The following SPPL2A variants were observed in gnomAD, a reference collection of about 807,000 sequenced individuals.
SPPL2A encodes signal peptide peptidase like 2A, also known as signal peptide peptidase-like 2A.
In SPPL2A, 51 loss-of-function variants were observed where a neutral mutation model predicts 63.8. The ratio of observed to expected loss-of-function variants is 0.80; its 90% confidence interval spans 0.64 to 1.01. SPPL2A has a LOEUF of 1.01. SPPL2A is among the 50% of genes least tolerant of loss of function. The pLI, the probability that SPPL2A is intolerant of heterozygous loss-of-function variation, is 0.00. For missense variants in SPPL2A, 553 were observed against 622.7 expected (o/e 0.89, Z 1.19); for synonymous variants, 188 against 205.8 (o/e 0.91, Z 0.74).
At chr15:50,722,461 A>G (rs1208595373) in intron 12 of SPPL2A, among the ~76,000 whole-genome samples, 1 of 151,686 alleles carries the variant, frequency 6.6e-6, no homozygotes, top group Non-Finnish European at 1.5e-5. Flanking sequence ...CATGAAGAAA[A>G]CTTTTTTTTT....
At position 50,740,097 on chromosome 15, in the gene SPPL2A, C is replaced by T. The variant is rs1596389466; in HGVS notation, c.585-269G>A. Among the ~76,000 whole-genome samples, 4 of 152,244 alleles carry T rather than the reference C, an allele frequency of 2.6e-5. No homozygotes were observed. The South Asian group carries it at 8.3e-4, about 32-fold the overall frequency. ...GAGATGATCTGTTTTCAACCACTAA[C>T]TTTTGAAACATTTTTTTCTGCAGGC... On this transcript the variant is annotated intron_variant, in intron 5 of 14. Transcript: ENST00000261854.
chr15:50,729,418 T>C (rs539804763), intron 10 of SPPL2A, among the ~76,000 whole-genome samples: 109 of 152,324 alleles, frequency 7.2e-4, no homozygotes, highest in African/African-American at 2.3e-3. Flanking sequence ...AGCTGACCCA[T>C]ATGCCAGCTT....
rs1250290184 is a variant in SPPL2A, at chr15:50,703,245, G to A, written c.*4555C>T. Reference sequence around the variant, plus strand: ...CCATTCAATTGTAGACTGAAGTACAGTTTTTGTTTTTGAAATTTCATTGGT... The same window carrying A: ...CCATTCAATTGTAGACTGAAGTACAATTTTTGTTTTTGAAATTTCATTGGT... On this transcript the variant is annotated 3_prime_UTR_variant, in exon 15 of 15. Transcript: ENST00000261854. 7.0e-6 allele frequency: 1 copy of A among 142,406 alleles called. No individual in the cohort carries two copies. Among genetic ancestry groups the A allele is most frequent in the African/African-American group, 2.6e-5 (1 of 38,202 alleles). 8.8% of individuals were successfully genotyped at this position (142,406 alleles called of 1,614,324 possible).
intron 13 of SPPL2A, among the ~76,000 whole-genome samples, chr15:50,721,860 C>A (rs532744037): frequency 3.3e-5 from 5 of 152,254 alleles, no homozygotes; most frequent in Admixed American, 2.6e-4. Context: ...CCTGCCTCGG[C>A]CTCCCAAAGT....
chr15:50,739,869 TAC>T, intron 5 of SPPL2A, 41 bp from the exon 6 acceptor site: 1 of 1,459,478 alleles, frequency 6.9e-7, no homozygotes, highest in Non-Finnish European at 9.1e-7. Flanking sequence ...CTTAGCCAAG[TAC>T]AGTTATTTAA....
At chr15:50,759,761 A>G (rs1488738519) in intron 1 of SPPL2A, among the ~76,000 whole-genome samples, 1 of 151,934 alleles carries the variant, frequency 6.6e-6, no homozygotes, top group Non-Finnish European at 1.5e-5. Flanking sequence ...AAAAAGAAAG[A>G]AAAGAAAAAT....
intron 1 of SPPL2A, among the ~76,000 whole-genome samples, chr15:50,755,184 G>A (rs535221587): frequency 1.3e-4 from 20 of 151,838 alleles, no homozygotes; most frequent in Admixed American, 1.2e-3. Context: ...CAAGCGTGGT[G>A]GCACGTGCCT....
intron 6 of SPPL2A, among the ~76,000 whole-genome samples, chr15:50,738,305 T>C (rs549951838): frequency 6.6e-6 from 1 of 151,554 alleles, no homozygotes; most frequent in South Asian, 2.1e-4. Flanking sequence ...TCCTAGCACT[T>C]TGGGAGGCCA....
rs757184932 is a variant in SPPL2A at position 50,736,914 on chromosome 15, G to GT, written c.734-175dup. Among the ~76,000 whole-genome samples, 369 of 149,794 alleles carry GT rather than the reference G, an allele frequency of 2.5e-3. 3 individuals carry two copies. The highest frequency in any genetic ancestry group is 7.1e-3 in the African/African-American group (293 of 40,986). ...TGAAATTTAGATCGTGAGGTTTTTT[G>GT]TTTTTTTTTCTGAGAGTCTCACTCT... On this transcript the variant is annotated intron_variant, in intron 6 of 14. Transcript: ENST00000261854.
intron 8 of SPPL2A, among the ~76,000 whole-genome samples, chr15:50,733,272 C>A (rs1320144184): frequency 2.0e-5 from 3 of 152,154 alleles, no homozygotes; most frequent in Non-Finnish European, 4.4e-5. Context: ...CCTGAAGCTG[C>A]ATAAAGCTGT....
intron 14 of SPPL2A, among the ~76,000 whole-genome samples, chr15:50,708,481 G>C (rs995377573): frequency 2.0e-5 from 3 of 152,084 alleles, no homozygotes; most frequent in African/African-American, 7.2e-5. Context: ...GCTGAGATGG[G>C]CAGATCATGA....
Position 50,765,638 on chromosome 15 carries a change from G to A in SPPL2A, c.-105C>T, listed in dbSNP as rs2063054436. The A allele has an allele frequency of 2.6e-6, 2 of 758,846 alleles. No individual in the cohort carries two copies. Among genetic ancestry groups the A allele is most frequent in the African/African-American group, 3.7e-5 (2 of 54,326 alleles). 47.0% of individuals were successfully genotyped at this position (758,846 alleles called of 1,614,324 possible). On this transcript the variant is annotated 5_prime_UTR_variant, in exon 1 of 15. Transcript: ENST00000261854. The stretch of plus-strand genomic sequence containing the variant: ...GCTGCCTCCGTGGCCGGACCGGACC[G>A]GACAGGCGCGGGCGGCCGGGCTACG...
intron 8 of SPPL2A, 119 bp downstream of exon 8, chr15:50,735,982 A>T: frequency 1.6e-6 from 1 of 619,974 alleles, no homozygotes; most frequent in East Asian, 2.8e-5. Context: ...GTAGTTCATT[A>T]CAAGACTGGT....
At chr15:50,708,941 G>A (rs796289421) in intron 14 of SPPL2A, among the ~76,000 whole-genome samples, 11 of 151,856 alleles carry the variant, frequency 7.2e-5, no homozygotes, top group African/African-American at 2.2e-4. Context: ...GGAGGTTGAG[G>A]CAGGAGAATG....
rs748022099 is a variant in SPPL2A, at chr15:50,732,595, T to C, written c.1014+8A>G. The stretch of plus-strand genomic sequence containing the variant: ...TTTTAACTAGCAAAGTAGTATTGTA[T>C]ACATTACCTTGAAGTTGGGCAACTT... On this transcript the variant is annotated splice_region_variant and intron_variant, in intron 9 of 14. Coordinates refer to ENST00000261854, the MANE Select transcript of SPPL2A (RefSeq NM_032802.4). The C allele has an allele frequency of 2.6e-6, 4 of 1,521,692 alleles. No individual in the cohort carries two copies. The highest frequency in any genetic ancestry group is 1.1e-5 in the South Asian group (1 of 88,300). 94.3% of individuals were successfully genotyped at this position (1,521,692 alleles called of 1,614,324 possible).
At chr15:50,765,025 G>A (rs1464240317) in intron 1 of SPPL2A, among the ~76,000 whole-genome samples, 1 of 152,058 alleles carries the variant, frequency 6.6e-6, no homozygotes, top group East Asian at 1.9e-4. Flanking sequence ...TTAAAGTGCA[G>A]TCCTCGAACC....
chr15:50,726,172 C>T (rs558509147), intron 11 of SPPL2A, 149 bp downstream of exon 11: 6 of 1,492,714 alleles, frequency 4.0e-6, no homozygotes, highest in South Asian at 1.2e-5. Context: ...TTTAGAATAA[C>T]TAAGAAAAGA....
At chr15:50,723,027 G>A (rs2062659747) in intron 12 of SPPL2A, among the ~76,000 whole-genome samples, 1 of 152,070 alleles carries the variant, frequency 6.6e-6, no homozygotes, top group Non-Finnish European at 1.5e-5. Flanking sequence ...CTCAATAGAA[G>A]ACACATAAAT....
chr15:50,739,207 T>C (rs186418438), intron 6 of SPPL2A, among the ~76,000 whole-genome samples: 1 of 150,298 alleles, frequency 6.7e-6, no homozygotes, highest in Non-Finnish European at 1.5e-5. Flanking sequence ...AGACGGAGTT[T>C]CGCTCTTGTT....
Sources: gnomAD v4.1 joint callset for allele counts (sites outside exome capture counted in the v4.1 genomes callset) on GRCh38, gnomAD v4.1.1 for gene constraint, MANE v1.5 for transcripts, NCBI Gene and HGNC (gene_info 2026-07-23, HGNC 2026-07-21) for gene names.